The following GAP43 variants were observed in gnomAD, a reference collection of about 807,000 sequenced individuals.
The protein encoded by GAP43 is neuromodulin.
A neutral mutation model predicts 18.6 loss-of-function variants in GAP43; 6 were observed. That is an observed-to-expected ratio of 0.32 (90% CI 0.18 to 0.64). The LOEUF (loss-of-function observed/expected upper bound fraction) is 0.64, where lower values mean the gene tolerates loss of function less well. GAP43 is among the 30% of genes least tolerant of loss of function. GAP43 has a pLI of 0.78. For missense variants in GAP43, 292 were observed against 295.5 expected, an observed-to-expected ratio of 0.99 and a Z score of 0.09; for synonymous variants, 115 against 111.4, an observed-to-expected ratio of 1.03 and a Z score of -0.20.
chr3:115,698,280 T>TA (rs373701113), intron 2 of GAP43, among the ~76,000 whole-genome samples: 283 of 4,636 alleles, frequency 0.061, 5 homozygotes, highest in Non-Finnish European at 0.11. Context: ...ATATTATATA[T>TA]AAATATAATA....
rs1426270953 is a variant in GAP43, at chr3:115,698,302, TATAAA to T, written c.628+21696_628+21700del. Among the ~76,000 whole-genome samples the T allele has an allele frequency of 7.4e-4, 66 of 89,322 alleles. 1 individual carries two copies. Among genetic ancestry groups the T allele is most frequent in the African/African-American group, 2.8e-3 (66 of 23,418 alleles). 58.6% of individuals were successfully genotyped at this position (89,322 alleles called of 152,430 possible). ...ATATAAATATAATATATATATTATA[TATAAA>T]ATATATATAATATATATATATAAAA... On this transcript the variant is annotated intron_variant, in intron 2 of 2. Transcript: ENST00000305124.
intron 2 of GAP43, among the ~76,000 whole-genome samples, chr3:115,719,487 C>G (rs1329113109): frequency 1.3e-5 from 2 of 152,128 alleles, no homozygotes; most frequent in African/African-American, 4.8e-5. Flanking sequence ...GAATTTTGTA[C>G]CTGCTTGCTG....
At chr3:115,660,828 G>A (rs1267855551) in intron 1 of GAP43, among the ~76,000 whole-genome samples, 1 of 152,180 alleles carries the variant, frequency 6.6e-6, no homozygotes, top group African/African-American at 2.4e-5. Context: ...CATGTGGAAC[G>A]GCTAGGCTGT....
At chr3:115,642,261 A>G (rs1232095467) in intron 1 of GAP43, among the ~76,000 whole-genome samples, 1 of 151,994 alleles carries the variant, frequency 6.6e-6, no homozygotes, top group Non-Finnish European at 1.5e-5. Flanking sequence ...TACTCATCTT[A>G]TTTTTCAATT....
chr3:115,626,365 A>G (rs182033377), intron 1 of GAP43, among the ~76,000 whole-genome samples: 57 of 152,278 alleles, frequency 3.7e-4, no homozygotes, highest in Non-Finnish European at 4.6e-4. Flanking sequence ...TAAAGAAGCA[A>G]CCTTGGATTT....
chr3:115,694,604 C>T (rs903810947), intron 2 of GAP43, among the ~76,000 whole-genome samples: 1 of 152,154 alleles, frequency 6.6e-6, no homozygotes, highest in Non-Finnish European at 1.5e-5. Flanking sequence ...TATCACTGTC[C>T]CTTTTTTACA....
chr3:115,660,354 C>T (rs533804632), intron 1 of GAP43, among the ~76,000 whole-genome samples: 1 of 152,176 alleles, frequency 6.6e-6, no homozygotes, highest in Non-Finnish European at 1.5e-5. Context: ...TCACAGATAA[C>T]TTCTTAGATG....
chr3:115,632,884 C>G (rs966718528), intron 1 of GAP43, among the ~76,000 whole-genome samples: 1 of 152,088 alleles, frequency 6.6e-6, no homozygotes, highest in Non-Finnish European at 1.5e-5. Flanking sequence ...TAAACTTTCA[C>G]TCTAGCTACA....
intron 2 of GAP43, among the ~76,000 whole-genome samples, chr3:115,685,560 T>G: frequency 6.6e-6 from 1 of 152,234 alleles, no homozygotes; most frequent in Non-Finnish European, 1.5e-5. Context: ...GTGTACAGCC[T>G]GTGAGCTATT....
chr3:115,695,087 G>A (rs963864808), intron 2 of GAP43, among the ~76,000 whole-genome samples: 3 of 152,202 alleles, frequency 2.0e-5, no homozygotes, highest in African/African-American at 7.2e-5. Flanking sequence ...AGATTTCAAA[G>A]TGCTTTACAT....
chr3:115,663,473 C>T (rs1708692473), intron 1 of GAP43: 2 of 1,095,120 alleles, frequency 1.8e-6, no homozygotes, highest in Non-Finnish European at 1.1e-6. Flanking sequence ...CCCTCTTCTC[C>T]CAGTATTGCT....
chr3:115,686,751 A>G (rs1192959895), intron 2 of GAP43, among the ~76,000 whole-genome samples: 1 of 152,228 alleles, frequency 6.6e-6, no homozygotes, highest in Non-Finnish European at 1.5e-5. Context: ...AAAAATAGAC[A>G]TGTTGATGGA....
intron 2 of GAP43, among the ~76,000 whole-genome samples, chr3:115,711,494 TACAC>T (rs72406302): frequency 6.7e-6 from 1 of 150,156 alleles, no homozygotes; most frequent in Non-Finnish European, 1.5e-5. Flanking sequence ...AAGTTCTAAA[TACAC>T]ACACACACAC....
At chr3:115,639,720 G>C (rs1405751284) in intron 1 of GAP43, among the ~76,000 whole-genome samples, 1 of 151,932 alleles carries the variant, frequency 6.6e-6, no homozygotes, top group Admixed American at 6.6e-5. Flanking sequence ...TTTTCCTAAA[G>C]GGAAATAAAA....
intron 1 of GAP43, among the ~76,000 whole-genome samples, chr3:115,668,101 C>T (rs943224498): frequency 1.3e-5 from 2 of 152,206 alleles, no homozygotes; most frequent in African/African-American, 4.8e-5. Flanking sequence ...TAGGTATTTT[C>T]CTGAGTCTCA....
chr3:115,663,769 G>A (rs1248123109), intron 1 of GAP43: 1 of 1,551,472 alleles, frequency 6.4e-7, no homozygotes, highest in Non-Finnish European at 8.7e-7. Context: ...AGCATTGGCA[G>A]ACACTGGCGA....
intron 2 of GAP43, among the ~76,000 whole-genome samples, chr3:115,681,214 T>A (rs1379494590): frequency 6.6e-6 from 1 of 152,204 alleles, no homozygotes; most frequent in Non-Finnish European, 1.5e-5. Context: ...AACAGCCCAA[T>A]GTCATTTGAT....
chr3:115,623,549 A>T lies in GAP43; in HGVS notation c.-141A>T. 1 of 993,206 alleles carries T rather than the reference A, an allele frequency of 1.0e-6. No individual in the cohort carries two copies. Among genetic ancestry groups the T allele is most frequent in the Non-Finnish European group, 1.5e-6 (1 of 646,562 alleles). 61.5% of individuals were successfully genotyped at this position (993,206 alleles called of 1,614,324 possible). ...CTGCCCTGGTGTGTGTGAGGGAGAG[A>T]GAGGGAGGGAGGGAGAGAGAGCGCG... On this transcript the variant is annotated 5_prime_UTR_variant, in exon 1 of 3. Coordinates refer to ENST00000305124, the MANE Select transcript of GAP43 (RefSeq NM_002045.4).
chr3:115,686,901 G>C (rs557743864), intron 2 of GAP43, among the ~76,000 whole-genome samples: 3 of 152,192 alleles, frequency 2.0e-5, no homozygotes, highest in Non-Finnish European at 4.4e-5. Context: ...GATGCTTTTC[G>C]TGCTAGGAGG....
Sources: gnomAD v4.1 joint callset for allele counts (sites outside exome capture counted in the v4.1 genomes callset) on GRCh38, gnomAD v4.1.1 for gene constraint, MANE v1.5 for transcripts, NCBI Gene and HGNC (gene_info 2026-07-23, HGNC 2026-07-21) for gene names.